DEAF1: variants seen among roughly 807,000 people sequenced by gnomAD.
DEAF1 encodes the protein DEAF1 transcription factor.
Under a neutral mutation model 58.9 loss-of-function variants are expected in DEAF1, and 53 were observed. That is an observed-to-expected ratio of 0.90 (90% CI 0.72 to 1.13). DEAF1 has a LOEUF of 1.13. Ranked by LOEUF, DEAF1 falls within the 50% of genes most tolerant of loss-of-function variation. The pLI, the probability that DEAF1 is intolerant of heterozygous loss-of-function variation, is 0.00. For synonymous variants in DEAF1, 385 were observed against 340.4 expected (o/e 1.13, Z -1.44); for missense variants, 685 against 791.4 (o/e 0.87, Z 1.61).
chr11:697,029 T>A (rs1015499876), upstream of DEAF1, among the ~76,000 whole-genome samples: 2 of 131,466 alleles, frequency 1.5e-5, no homozygotes, highest in Non-Finnish European at 1.6e-5. Flanking sequence ...GGGGGTGGGG[T>A]GCGGAGGTTG....
chr11:700,213 G>A (rs575749404), upstream of DEAF1: 42 of 1,613,686 alleles, frequency 2.6e-5, no homozygotes, highest in South Asian at 3.4e-4. Context: ...TCCTCGCCAC[G>A]CTCCTGATGA....
rs758893215 is a variant in DEAF1, at chr11:680,970, A to G, written c.990T>C (p.Ala330=). 1.2e-5 allele frequency: 19 copies of G among 1,614,000 alleles called. No individual in the cohort carries two copies. Among genetic ancestry groups the G allele is most frequent in the Non-Finnish European group, 1.6e-5 (19 of 1,180,028 alleles). ...KNITLLPATA[A]TTFTVTPSGQ... ...GTGTTTTCTCAAACTCACAGGTGGTAGCCGCGGTGGCTGGAAGCAATGTGA... is the reference window on the plus strand; with the variant it reads ...GTGTTTTCTCAAACTCACAGGTGGTGGCCGCGGTGGCTGGAAGCAATGTGA... The change falls in exon 7 of 12, where the codon GCT becomes GCC. Residue 330 remains alanine, a synonymous_variant. Transcript: ENST00000382409.
chr11:680,134 G>A (rs1276772827), intron 7 of DEAF1: 1 of 390,260 alleles, frequency 2.6e-6, no homozygotes, highest in African/African-American at 2.0e-5. Context: ...GTACTTCGTG[G>A]TTCGAATTAA....
chr11:663,816 C>T (rs972916444), intron 10 of DEAF1, among the ~76,000 whole-genome samples: 6 of 152,236 alleles, frequency 3.9e-5, no homozygotes, highest in Non-Finnish European at 8.8e-5. Flanking sequence ...AAGGTCCGGT[C>T]TGCTGGACTC....
chr11:647,409 C>T (rs760697630), intron 11 of DEAF1, among the ~76,000 whole-genome samples: 3 of 151,726 alleles, frequency 2.0e-5, no homozygotes, highest in East Asian at 1.9e-4. Flanking sequence ...GAGCCAAGAT[C>T]GCGCCGCTGC....
chr11:667,355 T>G (rs1420040111), intron 10 of DEAF1, among the ~76,000 whole-genome samples: 15 of 95,034 alleles, frequency 1.6e-4, no homozygotes, highest in Non-Finnish European at 1.9e-4. Flanking sequence ...AAGGGAGGGA[T>G]GGAGGGAGGG....
chr11:678,073 T>C (rs974828749), intron 9 of DEAF1, among the ~76,000 whole-genome samples: 2 of 151,060 alleles, frequency 1.3e-5, no homozygotes, highest in African/African-American at 4.9e-5. Flanking sequence ...TCACTTGAGG[T>C]CAGGAGTTCG....
At chr11:668,035 C>T (rs979938356) in intron 10 of DEAF1, among the ~76,000 whole-genome samples, 3 of 152,160 alleles carry the variant, frequency 2.0e-5, no homozygotes, top group African/African-American at 7.2e-5. Context: ...TTGCTTAAAC[C>T]TGGGAAATGG....
At chr11:689,196 CTTTTT>C (rs1446607708) in intron 2 of DEAF1, among the ~76,000 whole-genome samples, 1 of 135,750 alleles carries the variant, frequency 7.4e-6, no homozygotes, top group Non-Finnish European at 1.6e-5. Flanking sequence ...TTCTTTTTTT[CTTTTT>C]CTTTTTTTTT....
At chr11:687,126 C>T in intron 4 of DEAF1, 129 bp from the exon 5 acceptor site, 1 of 1,379,982 alleles carries the variant, frequency 7.2e-7, no homozygotes, top group Non-Finnish European at 1.0e-6. Flanking sequence ...ATCTCACCCA[C>T]CCACATACTT....
intron 2 of DEAF1, chr11:689,712 A>G (rs904936502): frequency 6.6e-6 from 1 of 152,188 alleles, no homozygotes; most frequent in Non-Finnish European, 1.5e-5. Flanking sequence ...TAAGAGTCAC[A>G]GAGTATTTTT....
At chr11:675,254 C>G (rs554779738) in intron 9 of DEAF1, among the ~76,000 whole-genome samples, 1 of 152,184 alleles carries the variant, frequency 6.6e-6, no homozygotes, top group Non-Finnish European at 1.5e-5. Context: ...TGCAGTGGCT[C>G]ATGCCTGTAA....
At chr11:703,694 A>AGGCC (rs1861602169) in intron 1 of DEAF1, 1 of 1,232,206 alleles carries the variant, frequency 8.1e-7, no homozygotes, top group Non-Finnish European at 1.0e-6. Context: ...ACAGGCAGGC[A>AGGCC]GGCCCGGTGC....
At chr11:690,246 G>C (rs1407458278) in intron 2 of DEAF1, among the ~76,000 whole-genome samples, 10 of 18,774 alleles carry the variant, frequency 5.3e-4, no homozygotes, top group African/African-American at 8.1e-4. Flanking sequence ...GAGGGGAGGG[G>C]AGAGGAGGGG....
intron 10 of DEAF1, among the ~76,000 whole-genome samples, chr11:672,741 C>T (rs763096020): frequency 9.2e-5 from 14 of 151,652 alleles, no homozygotes; most frequent in African/African-American, 2.9e-4. Flanking sequence ...CCAGCTATTC[C>T]GGAGGCTGAG....
intron 6 of DEAF1, among the ~76,000 whole-genome samples, chr11:681,399 TTTTC>T (rs1395590675): frequency 7.4e-6 from 1 of 135,316 alleles, no homozygotes. Context: ...ACCCGGCTAA[TTTTC>T]TTTCTTTCTT....
intron 10 of DEAF1, among the ~76,000 whole-genome samples, chr11:670,356 C>T (rs1399776790): frequency 1.3e-5 from 2 of 150,352 alleles, no homozygotes; most frequent in Admixed American, 6.7e-5. Context: ...ACTTTCTTTT[C>T]CTCTATAAAT....
At position 687,931 on chromosome 11, in the gene DEAF1, T is replaced by C; in HGVS notation, c.644A>G (p.Tyr215Cys). The C allele has an allele frequency of 4.3e-6, 7 of 1,614,096 alleles. No individual in the cohort carries two copies. Among genetic ancestry groups the C allele is most frequent in the Non-Finnish European group, 5.1e-6 (6 of 1,180,026 alleles). Reference sequence around the variant, plus strand: ...CTCACCTGAGCCGAGCCTGTTCTTGTACAGAGTGCCGCTGATGTTCCGGCA... The same window carrying C: ...CTCACCTGAGCCGAGCCTGTTCTTGCACAGAGTGCCGCTGATGTTCCGGCA... The part of the protein sequence containing the change: ...VRCRNISGTL[Y>C]KNRLGSGGRG... The change falls in exon 4 of 12, where the codon TAC becomes TGC. Residue 215 changes from tyrosine (Y) to cysteine (C), a missense_variant. Tyr to Cys is a radical substitution (Grantham distance 194). This residue lies in a region of DEAF1 where 132 missense variants were observed against 234.3 expected (regional missense o/e 0.56). Coordinates refer to ENST00000382409, the MANE Select transcript of DEAF1 (RefSeq NM_021008.4).
At chr11:675,996 G>A (rs367779615) in intron 9 of DEAF1, among the ~76,000 whole-genome samples, 167 of 13,062 alleles carry the variant, frequency 0.013, 3 homozygotes, top group Middle Eastern at 0.083. Flanking sequence ...GGGGCACCTG[G>A]CACCCCCCGG....
Sources: allele counts gnomAD v4.1 joint callset (sites outside exome capture counted in the v4.1 genomes callset), GRCh38; gene constraint gnomAD v4.1.1; regional missense constraint gnomAD v4.1.1; transcripts MANE v1.5; gene names NCBI Gene and HGNC (gene_info 2026-07-23, HGNC 2026-07-21).